Variants in NXPE1 observed in about 807,000 individuals in gnomAD.
NXPE1 encodes the protein NXPE family member 1.
A neutral mutation model predicts 33.3 loss-of-function variants in NXPE1; 31 were observed. The ratio of observed to expected loss-of-function variants is 0.93; its 90% CI spans 0.70 to 1.26. The LOEUF (loss-of-function observed/expected upper bound fraction) is 1.26, where lower values mean the gene tolerates loss of function less well. NXPE1 is among the 50% of genes most tolerant of loss of function. The pLI is 0.00. For missense variants in NXPE1, 661 were observed against 655.6 expected, an observed-to-expected ratio of 1.01 and a Z score of -0.09; for synonymous variants, 229 against 231.4, an observed-to-expected ratio of 0.99 and a Z score of 0.09.
chr11:114,554,850 G>A (rs142392184), intron 1 of NXPE1, among the ~76,000 whole-genome samples: 436 of 152,202 alleles, frequency 2.9e-3, no homozygotes, highest in African/African-American at 9.2e-3. Context: ...AGGTTCACAG[G>A]CCTCCTAAAC....
At chr11:114,546,736 G>A (rs1223120862) in intron 5 of NXPE1, among the ~76,000 whole-genome samples, 1 of 152,064 alleles carries the variant, frequency 6.6e-6, no homozygotes, top group African/African-American at 2.4e-5. Flanking sequence ...TTGGATAAAC[G>A]GCTGATTCTA....
intron 5 of NXPE1, among the ~76,000 whole-genome samples, chr11:114,533,155 C>T (rs975694815): frequency 1.3e-5 from 2 of 152,178 alleles, no homozygotes; most frequent in South Asian, 4.2e-4. Flanking sequence ...CTTTTTTTCC[C>T]TTCTTTTCTT....
At chr11:114,528,770 C>T (rs571190766) in intron 6 of NXPE1, 16 of 631,432 alleles carry the variant, frequency 2.5e-5, no homozygotes, top group East Asian at 1.9e-4. Flanking sequence ...GACCCAGGTG[C>T]CAAGTATAAC....
intron 5 of NXPE1, among the ~76,000 whole-genome samples, chr11:114,537,778 A>T (rs1947894994): frequency 6.6e-6 from 1 of 151,968 alleles, no homozygotes; most frequent in South Asian, 2.1e-4. Flanking sequence ...AATGAAATAA[A>T]AGAGGATACA....
chr11:114,548,028 TA>T (rs1018618334), intron 5 of NXPE1, among the ~76,000 whole-genome samples: 6 of 151,220 alleles, frequency 4.0e-5, no homozygotes, highest in African/African-American at 9.7e-5. Flanking sequence ...AATACCACAT[TA>T]AAAAAAAGGG....
intron 1 of NXPE1, among the ~76,000 whole-genome samples, chr11:114,554,676 T>C (rs1392171643): frequency 1.3e-5 from 2 of 152,238 alleles, no homozygotes; most frequent in Non-Finnish European, 2.9e-5. Flanking sequence ...TTCAAGATTC[T>C]TTATTAACAG....
intron 5 of NXPE1, among the ~76,000 whole-genome samples, chr11:114,534,717 T>C (rs1156487884): frequency 2.6e-5 from 4 of 152,160 alleles, no homozygotes; most frequent in Admixed American, 1.3e-4. Context: ...AAATGAAGCA[T>C]GAAGAGAAGT....
chr11:114,558,071 T>C (rs1948699793), intron 1 of NXPE1, among the ~76,000 whole-genome samples: 1 of 152,054 alleles, frequency 6.6e-6, no homozygotes, highest in South Asian at 2.1e-4. Context: ...GCTTAACAGA[T>C]CAAATATAAC....
intron 5 of NXPE1, among the ~76,000 whole-genome samples, chr11:114,538,762 A>G (rs1257791552): frequency 6.6e-6 from 1 of 152,108 alleles, no homozygotes; most frequent in East Asian, 1.9e-4. Flanking sequence ...TAGAATGGCG[A>G]TCATTAAAAA....
rs1353376971 is a variant in NXPE1 at position 114,535,788 on chromosome 11, C to T, written c.100-4880G>A. Among the ~76,000 whole-genome samples the T allele has an allele frequency of 3.3e-5, 5 of 152,270 alleles. No individual in the cohort carries two copies. In the East Asian group the frequency reaches 7.7e-4, roughly 23 times the overall value. On this transcript the variant is annotated intron_variant, in intron 5 of 8. Transcript: ENST00000534921. Reference sequence around the variant, plus strand: ...AGCACCTAGATTCATAAAGCAAGTCCTTAGTGACCTACAAAGAGACTTAGA... The same window carrying T: ...AGCACCTAGATTCATAAAGCAAGTCTTTAGTGACCTACAAAGAGACTTAGA...
At chr11:114,541,183 A>G (rs1217161072) in intron 5 of NXPE1, among the ~76,000 whole-genome samples, 3 of 152,158 alleles carry the variant, frequency 2.0e-5, no homozygotes, top group African/African-American at 7.2e-5. Flanking sequence ...TCTGAGGAGT[A>G]AAACGGAATC....
intron 1 of NXPE1, among the ~76,000 whole-genome samples, chr11:114,558,945 C>T (rs1367567512): frequency 6.6e-6 from 1 of 152,058 alleles, no homozygotes; most frequent in African/African-American, 2.4e-5. Context: ...ATATGTATTA[C>T]TATGAAATGG....
intron 7 of NXPE1, among the ~76,000 whole-genome samples, chr11:114,523,547 A>T (rs1947279995): frequency 6.6e-6 from 1 of 152,198 alleles, no homozygotes; most frequent in South Asian, 2.1e-4. Context: ...TGTACATTAA[A>T]TATAAAAACC....
At chr11:114,533,499 C>T (rs550733141) in intron 5 of NXPE1, among the ~76,000 whole-genome samples, 41 of 152,284 alleles carry the variant, frequency 2.7e-4, no homozygotes, top group South Asian at 4.1e-4. Flanking sequence ...TCGCCTCACC[C>T]GGGAAGCACA....
intron 5 of NXPE1, among the ~76,000 whole-genome samples, chr11:114,536,171 T>C (rs1417913476): frequency 3.3e-5 from 5 of 151,982 alleles, no homozygotes; most frequent in African/African-American, 7.3e-5. Flanking sequence ...ACAACCTGCT[T>C]CTGAATGACT....
At chr11:114,551,260 TACTC>T in intron 4 of NXPE1, 49 bp from the exon 5 acceptor site, 2 of 1,302,726 alleles carry the variant, frequency 1.5e-6, no homozygotes, top group South Asian at 2.7e-5. Context: ...AATCTCTCTG[TACTC>T]ACTCATTATT....
chr11:114,539,618 TAATTA>T (rs949210303), intron 5 of NXPE1, among the ~76,000 whole-genome samples: 4 of 152,214 alleles, frequency 2.6e-5, no homozygotes, highest in African/African-American at 9.6e-5. Flanking sequence ...TCTGTATTTC[TAATTA>T]AATTCTTAAG....
intron 5 of NXPE1, among the ~76,000 whole-genome samples, chr11:114,535,576 G>A (rs1435189288): frequency 6.6e-6 from 1 of 152,076 alleles, no homozygotes; most frequent in Non-Finnish European, 1.5e-5. Flanking sequence ...CAAAATAAAG[G>A]GATGGAGGAA....
chr11:114,551,455 CA>C lies in NXPE1; in HGVS notation c.-69-15del. 1 of 1,229,632 alleles carries C rather than the reference CA, an allele frequency of 8.1e-7. No individual in the cohort carries two copies. Among genetic ancestry groups the C allele is most frequent in the Non-Finnish European group, 1.0e-6 (1 of 982,868 alleles). The allele number at this position is 1,229,632 out of a possible 1,614,324, so 76.2% of individuals were successfully genotyped here. A position where few individuals can be genotyped will look rare whatever the true frequency, so the allele number is the denominator to read the frequency against. On this transcript the variant is annotated splice_polypyrimidine_tract_variant and intron_variant, in intron 3 of 8. Transcript: ENST00000534921. ...CCTTCCAGGACCCTGAAATGGAAGT[CA>C]AAGTCACCTTATAGGTTCTCTTAAT...
Sources: gnomAD v4.1 joint callset for allele counts (sites outside exome capture counted in the v4.1 genomes callset) on GRCh38, gnomAD v4.1.1 for gene constraint, MANE v1.5 for transcripts, NCBI Gene and HGNC (gene_info 2026-07-23, HGNC 2026-07-21) for gene names.